The following TRPM3 variants were observed in gnomAD, a reference collection of about 807,000 sequenced individuals.
The protein encoded by TRPM3 is long transient receptor potential channel 3.
A neutral mutation model predicts 181.2 loss-of-function variants in TRPM3; 77 were observed. The ratio of observed to expected loss-of-function variants is 0.42; its 90% CI spans 0.35 to 0.51. The LOEUF (loss-of-function observed/expected upper bound fraction) is 0.51, where lower values mean the gene tolerates loss of function less well. Among genes scored for constraint, TRPM3 ranks in the 20% least tolerant of loss-of-function variants. TRPM3 has a pLI of 0.01. For synonymous variants in TRPM3, 745 were observed against 796.4 expected (o/e 0.94, Z 1.09); for missense variants, 1,759 against 2,196.7 (o/e 0.80, Z 3.98).
intron 9 of TRPM3, 107 bp from the exon 10 acceptor site, chr9:70,640,767 A>C (rs1325631899): frequency 1.2e-6 from 1 of 803,940 alleles, no homozygotes; most frequent in East Asian, 2.7e-5. Flanking sequence ...CCCTATTCCC[A>C]AAGAGCCTGC....
intron 1 of TRPM3, among the ~76,000 whole-genome samples, chr9:70,957,442 T>C (rs1006826480): frequency 1.3e-5 from 2 of 152,154 alleles, no homozygotes; most frequent in Non-Finnish European, 2.9e-5. Context: ...GGGGAGGTGC[T>C]CTGGGGTTAA....
chr9:70,863,182 G>T, intron 2 of TRPM3, 70 bp from the exon 3 acceptor site: 1 of 1,356,894 alleles, frequency 7.4e-7, no homozygotes, highest in Non-Finnish European at 1.0e-6. Flanking sequence ...AAGGCAACCA[G>T]CTGGAGAAAT....
chr9:71,029,000 G>A (rs1193598089), intron 1 of TRPM3, among the ~76,000 whole-genome samples: 1 of 152,114 alleles, frequency 6.6e-6, no homozygotes, highest in East Asian at 1.9e-4. Flanking sequence ...CACATGGCAT[G>A]TATTCTAAAA....
At chr9:70,774,091 C>A (rs1466204428) in intron 7 of TRPM3, 1 of 152,124 alleles carries the variant, frequency 6.6e-6, no homozygotes, top group Non-Finnish European at 1.5e-5. Context: ...TACATCATTC[C>A]AGGAAGCCTC....
At chr9:71,383,877 A>G (rs2092863427) in intron 1 of TRPM3, among the ~76,000 whole-genome samples, 1 of 152,202 alleles carries the variant, frequency 6.6e-6, no homozygotes, top group South Asian at 2.1e-4. Flanking sequence ...CACATAGTAT[A>G]TCCATCCTTA....
At chr9:70,853,100 C>T (rs1190836099) in intron 3 of TRPM3, among the ~76,000 whole-genome samples, 1 of 152,140 alleles carries the variant, frequency 6.6e-6, no homozygotes, top group East Asian at 1.9e-4. Flanking sequence ...GAAGTAGTCA[C>T]TGTCTTGGAA....
intron 1 of TRPM3, among the ~76,000 whole-genome samples, chr9:71,217,868 G>A (rs141750847): frequency 7.0e-4 from 106 of 152,228 alleles, no homozygotes; most frequent in African/African-American, 2.5e-3. Flanking sequence ...TGGAAGACTG[G>A]AAGAATTAGA....
chr9:71,262,269 G>C (rs1362852733), intron 1 of TRPM3, among the ~76,000 whole-genome samples: 1 of 152,188 alleles, frequency 6.6e-6, no homozygotes, highest in Non-Finnish European at 1.5e-5. Context: ...TGGTGCTGGG[G>C]TGGGCTCCAA....
At chr9:70,620,932 T>G (rs1429956519) in intron 15 of TRPM3, among the ~76,000 whole-genome samples, 1 of 149,662 alleles carries the variant, frequency 6.7e-6, no homozygotes, top group Non-Finnish European at 1.5e-5. Context: ...TCAAATAGGA[T>G]TTTTTTTTGT....
chr9:70,537,207 C>G lies in TRPM3; in HGVS notation c.3906G>C (p.Thr1302=), dbSNP rs147000092. The G allele has an allele frequency of 6.3e-7, 1 of 1,595,768 alleles. No homozygotes were observed. The change falls in exon 26 of 26, where the codon ACG becomes ACC. Residue 1302 remains threonine (T), a synonymous_variant. Transcript: ENST00000677713. ...TCTGACGGACAATGTAGGCGGCGTC[C>G]GTGCAGTCTGACGAGGTCCTCGAGC... The part of the protein sequence containing the change: ...KIRSRTSSDC[T]DAAYIVRQSS...
At chr9:71,047,124 G>A (rs2059535101) in intron 1 of TRPM3, among the ~76,000 whole-genome samples, 1 of 152,166 alleles carries the variant, frequency 6.6e-6, no homozygotes, top group Non-Finnish European at 1.5e-5. Flanking sequence ...GTACATGTAA[G>A]TGTGTAGAAA....
chr9:71,168,605 AT>A (rs148058004), intron 1 of TRPM3, among the ~76,000 whole-genome samples: 2 of 105,648 alleles, frequency 1.9e-5, no homozygotes, highest in African/African-American at 7.1e-5. Flanking sequence ...TTTTATTTTT[AT>A]TTATTTTTTT....
chr9:71,331,486 T>C (rs549706460), intron 1 of TRPM3, among the ~76,000 whole-genome samples: 1 of 151,968 alleles, frequency 6.6e-6, no homozygotes, highest in African/African-American at 2.4e-5. Flanking sequence ...ATGACTTATA[T>C]TCTATGTAAA....
At position 71,218,012 on chromosome 9, in the gene TRPM3, T is replaced by G. The variant is rs182120660; in HGVS notation, c.183+228641A>C. On this transcript the variant is annotated intron_variant, in intron 1 of 24. Transcript: ENST00000357533. ...CTTGAATCACAAACTGCCAGGATTA[T>G]CCATAAATAATTTTTTCCAATAATA... 1.2e-4 allele frequency among the ~76,000 whole-genome samples: 18 copies of G among 152,336 alleles called. No individual in the cohort carries two copies. In the East Asian group the frequency reaches 3.3e-3, roughly 28 times the overall value.
intron 1 of TRPM3, among the ~76,000 whole-genome samples, chr9:71,273,863 A>G (rs2083988674): frequency 6.6e-6 from 1 of 152,034 alleles, no homozygotes; most frequent in South Asian, 2.1e-4. Context: ...TAACTTCACA[A>G]TCTCTCAGTT....
chr9:71,189,303 GC>G (rs1378579428), intron 1 of TRPM3, among the ~76,000 whole-genome samples: 1 of 151,818 alleles, frequency 6.6e-6, no homozygotes, highest in Non-Finnish European at 1.5e-5. Context: ...AATATATTCA[GC>G]TTTTTGTTTC....
intron 1 of TRPM3, among the ~76,000 whole-genome samples, chr9:71,044,940 G>A (rs1001748433): frequency 6.6e-6 from 1 of 152,176 alleles, no homozygotes; most frequent in South Asian, 2.1e-4. Context: ...CAAAGTGCTG[G>A]GATTACAACC....
At chr9:71,255,074 C>T (rs1433177046) in intron 1 of TRPM3, among the ~76,000 whole-genome samples, 2 of 152,120 alleles carry the variant, frequency 1.3e-5, no homozygotes, top group African/African-American at 2.4e-5. Context: ...AGGGATTTTG[C>T]CTAAGTCCCC....
chr9:70,911,590 C>T (rs1285597298), intron 1 of TRPM3, among the ~76,000 whole-genome samples: 1 of 152,162 alleles, frequency 6.6e-6, no homozygotes, highest in Non-Finnish European at 1.5e-5. Flanking sequence ...AAACCTGCCT[C>T]ATGTATATTC....
Sources: allele counts gnomAD v4.1 joint callset (sites outside exome capture counted in the v4.1 genomes callset), GRCh38; gene constraint gnomAD v4.1.1; transcripts MANE v1.5; gene names NCBI Gene and HGNC (gene_info 2026-07-23, HGNC 2026-07-21).